The following ARHGEF39 variants were observed in gnomAD, a reference collection of about 807,000 sequenced individuals.
ARHGEF39 encodes the protein Rho guanine nucleotide exchange factor (GEF) 39.
Under a neutral mutation model 47.5 loss-of-function variants are expected in ARHGEF39, and 45 were observed. The ratio of observed to expected loss-of-function variants is 0.95; its 90% CI spans 0.75 to 1.22. ARHGEF39 has a LOEUF of 1.22. Ranked by LOEUF, ARHGEF39 falls within the 50% of genes most tolerant of loss-of-function variation. The probability of loss-of-function intolerance (pLI) is 0.00; values close to 1 mark genes in which losing one functional copy is unlikely to be tolerated. For missense variants in ARHGEF39, 411 were observed against 425.3 expected (o/e 0.97, Z 0.30); for synonymous variants, 164 against 167.8 (o/e 0.98, Z 0.17).
chr9:35,664,249 C>A, intron 3 of ARHGEF39, 123 bp from the exon 4 acceptor site: 2 of 1,517,020 alleles, frequency 1.3e-6, no homozygotes, highest in South Asian at 1.2e-5. Context: ...CGTTTCTCTA[C>A]AAGGAACTTA....
At position 35,661,042 on chromosome 9, in the gene ARHGEF39, C is replaced by G; in HGVS notation, c.*945G>C. The G allele has an allele frequency of 6.2e-7, 1 of 1,614,164 alleles. No individual in the cohort carries two copies. The highest frequency in any genetic ancestry group is 8.5e-7 in the Non-Finnish European group (1 of 1,180,038). On this transcript the variant is annotated 3_prime_UTR_variant, in exon 9 of 9. Coordinates refer to ENST00000378387, the MANE Select transcript of ARHGEF39 (RefSeq NM_032818.3). ...GAGCCCACAAACTGGAGCACAGAGA[C>G]ATGGAACCTAGCTACTTCCTGGGAG... is the stretch of plus-strand genomic sequence containing the variant.
Position 35,661,021 on chromosome 9 carries a change from C to T in ARHGEF39, c.*966G>A. The T allele has an allele frequency of 6.2e-7, 1 of 1,614,050 alleles. No homozygotes were observed. Among genetic ancestry groups the T allele is most frequent in the South Asian group, 1.1e-5 (1 of 91,062 alleles). Reference sequence around the variant, plus strand: ...GGTGACAGTCAGGCCTGGGAGGAGCCCACAAACTGGAGCACAGAGACATGG... The same window carrying T: ...GGTGACAGTCAGGCCTGGGAGGAGCTCACAAACTGGAGCACAGAGACATGG... On this transcript the variant is annotated 3_prime_UTR_variant, in exon 9 of 9. Coordinates refer to ENST00000378387, the MANE Select transcript of ARHGEF39 (RefSeq NM_032818.3).
rs1324946159 is a variant in ARHGEF39, at chr9:35,661,068, G to T, written c.*919C>A. 1.1e-5 allele frequency: 17 copies of T among 1,614,092 alleles called. No individual in the cohort carries two copies. Among genetic ancestry groups the T allele is most frequent in the Non-Finnish European group, 1.4e-5 (16 of 1,180,042 alleles). ...ATGGAACCTAGCTACTTCCTGGGAGGTGGGGCGGGGACTACGGAGAAGGTG... is the reference window on the plus strand; with the variant it reads ...ATGGAACCTAGCTACTTCCTGGGAGTTGGGGCGGGGACTACGGAGAAGGTG... On this transcript the variant is annotated 3_prime_UTR_variant, in exon 9 of 9. Coordinates refer to ENST00000378387, the MANE Select transcript of ARHGEF39 (RefSeq NM_032818.3).
chr9:35,661,162 G>C lies in ARHGEF39; in HGVS notation c.*825C>G. The C allele has an allele frequency of 6.2e-7, 1 of 1,603,980 alleles. No individual in the cohort carries two copies. Among genetic ancestry groups the C allele is most frequent in the South Asian group, 1.1e-5 (1 of 90,154 alleles). On this transcript the variant is annotated 3_prime_UTR_variant, in exon 9 of 9. Transcript: ENST00000378387. The stretch of plus-strand genomic sequence containing the variant: ...GAAGGAGGGACGACAGCTGAAGGTC[G>C]ACTAAAACAAAGTCTGTTTTCATGA...
rs902298628 is a variant in ARHGEF39 at position 35,661,739 on chromosome 9, C to A, written c.*248G>T. 17 of 476,230 alleles carry A rather than the reference C, an allele frequency of 3.6e-5. No homozygotes were observed. Among genetic ancestry groups the A allele is most frequent in the Middle Eastern group, 3.6e-4 (1 of 2,742 alleles). 29.5% of individuals were successfully genotyped at this position (476,230 alleles called of 1,614,324 possible). A position where few individuals can be genotyped will look rare whatever the true frequency, so the allele number is the denominator to read the frequency against. ...GTGTTGCCCAGGCTGGTCTTGAACTCCTGGGCTGGAATGATCCTGCCACCT... is the reference window on the plus strand; with the variant it reads ...GTGTTGCCCAGGCTGGTCTTGAACTACTGGGCTGGAATGATCCTGCCACCT... On this transcript the variant is annotated 3_prime_UTR_variant, in exon 9 of 9. Coordinates refer to ENST00000378387, the MANE Select transcript of ARHGEF39 (RefSeq NM_032818.3).
rs559728819 is a variant in ARHGEF39 at position 35,663,517 on chromosome 9, T to C, written c.474-125A>G. 8 of 786,420 alleles carry C rather than the reference T, an allele frequency of 1.0e-5. No homozygotes were observed. In the African/African-American group the frequency reaches 1.4e-4, roughly 14 times the overall value. 48.7% of individuals were successfully genotyped at this position (786,420 alleles called of 1,614,324 possible). Reference sequence around the variant, plus strand: ...CCAGGAAAGATCTGCTTCTGGCTACTGTATCCCCTTCTTTCATGTAGGACT... The same window carrying C: ...CCAGGAAAGATCTGCTTCTGGCTACCGTATCCCCTTCTTTCATGTAGGACT... On this transcript the variant is annotated intron_variant, in intron 4 of 8. Coordinates refer to ENST00000378387, the MANE Select transcript of ARHGEF39 (RefSeq NM_032818.3).
intron 3 of ARHGEF39, 24 bp downstream of exon 3, chr9:35,664,348 G>T: frequency 1.3e-6 from 2 of 1,587,506 alleles, no homozygotes; most frequent in Non-Finnish European, 1.7e-6. Flanking sequence ...TAAGGGGCAA[G>T]ATTTGAGGTC....
At chr9:35,663,209 G>A (rs771618431) in intron 5 of ARHGEF39, 113 bp downstream of exon 5, 2 of 1,552,198 alleles carry the variant, frequency 1.3e-6, no homozygotes, top group Non-Finnish European at 1.8e-6. Context: ...TAGGGACACT[G>A]TATACATGTC....
intron 2 of ARHGEF39, 31 bp downstream of exon 2, chr9:35,664,725 C>A: frequency 6.3e-7 from 1 of 1,593,414 alleles, no homozygotes. Context: ...GACTCTCCCT[C>A]CTTTCCTCTC....
chr9:35,660,445 G>A lies in ARHGEF39; in HGVS notation c.*1542C>T. 1.2e-6 allele frequency: 2 copies of A among 1,612,692 alleles called. No homozygotes were observed. Among genetic ancestry groups the A allele is most frequent in the South Asian group, 2.2e-5 (2 of 90,862 alleles). On this transcript the variant is annotated 3_prime_UTR_variant, in exon 9 of 9. Coordinates refer to ENST00000378387, the MANE Select transcript of ARHGEF39 (RefSeq NM_032818.3). Reference sequence around the variant, plus strand: ...TTCTCCACGAGGAGGCAAGCAAGCAGCAGCCACTGCAGTCAGGTGGGTTTA... The same window carrying A: ...TTCTCCACGAGGAGGCAAGCAAGCAACAGCCACTGCAGTCAGGTGGGTTTA...
In ARHGEF39 at chr9:35,660,502, G is replaced by A. The variant is rs749777866; in HGVS notation, c.*1485C>T. ...GTCTGTGCTGGGTCGGGGGAGTTTA[G>A]GGGACAGCAGAAGATACATAACCAC... On this transcript the variant is annotated 3_prime_UTR_variant, in exon 9 of 9. Coordinates refer to ENST00000378387, the MANE Select transcript of ARHGEF39 (RefSeq NM_032818.3). 1.9e-6 allele frequency: 3 copies of A among 1,613,242 alleles called. No individual in the cohort carries two copies. The highest frequency in any genetic ancestry group is 2.5e-6 in the Non-Finnish European group (3 of 1,179,414).
At chr9:35,663,263 CAGAA>C (rs1324944240) in intron 5 of ARHGEF39, 55 bp downstream of exon 5, 7 of 1,588,964 alleles carry the variant, frequency 4.4e-6, no homozygotes, top group African/African-American at 2.7e-5. Context: ...AGGTCAGAAT[CAGAA>C]AGGAATACAG....
chr9:35,661,060 C>G lies in ARHGEF39; in HGVS notation c.*927G>C, dbSNP rs10441685. 0.032 allele frequency: 51,072 copies of G among 1,614,066 alleles called. 1,606 individuals carry two copies. The highest frequency in any genetic ancestry group is 0.17 in the African/African-American group (12,424 of 74,992). On this transcript the variant is annotated 3_prime_UTR_variant, in exon 9 of 9. Transcript: ENST00000378387. The stretch of plus-strand genomic sequence containing the variant: ...ACAGAGACATGGAACCTAGCTACTT[C>G]CTGGGAGGTGGGGCGGGGACTACGG...
rs1344029021 is a variant in ARHGEF39, at chr9:35,664,105, C to G, written c.376G>C (p.Gly126Arg). ...TLQEQLKKNK[G>R]FRRFVRLQEG... Reference sequence around the variant, plus strand: ...TGAAGCCGTACAAACCTCCGGAAACCTTTATTTTTCTTTAGCTGCTCCTGG... The same window carrying G: ...TGAAGCCGTACAAACCTCCGGAAACGTTTATTTTTCTTTAGCTGCTCCTGG... The change falls in exon 4 of 9, where the codon GGT (glycine) becomes CGT (arginine). Residue 126 changes from glycine to arginine, a missense_variant. Gly to Arg is a moderately radical substitution (Grantham distance 125). Transcript: ENST00000378387. 1 of 1,613,964 alleles carries G rather than the reference C, an allele frequency of 6.2e-7. No homozygotes were observed. Among genetic ancestry groups the G allele is most frequent in the Non-Finnish European group, 8.5e-7 (1 of 1,179,962 alleles).
rs1199534720 is a variant in ARHGEF39 at position 35,661,074 on chromosome 9, C to T, written c.*913G>A. On this transcript the variant is annotated 3_prime_UTR_variant, in exon 9 of 9. Transcript: ENST00000378387. ...CCTAGCTACTTCCTGGGAGGTGGGG[C>T]GGGGACTACGGAGAAGGTGCAGCCA... 6.2e-6 allele frequency: 10 copies of T among 1,614,102 alleles called. No individual in the cohort carries two copies. Among genetic ancestry groups the T allele is most frequent in the Non-Finnish European group, 7.6e-6 (9 of 1,180,026 alleles).
chr9:35,663,462 A>G (rs1204277822), intron 4 of ARHGEF39, 70 bp from the exon 5 acceptor site: 3 of 1,317,730 alleles, frequency 2.3e-6, no homozygotes, highest in African/African-American at 1.4e-5. Context: ...TGATGTGCAG[A>G]TCACCCTCTA....
rs2131823263 is a variant in ARHGEF39, at chr9:35,662,166, A to G, written c.992+13T>C. ...TCATCACAGCACCCTTCCTGGGGGAAGACACAACTTACCTGATAGCCCAAG... is the reference window on the plus strand; with the variant it reads ...TCATCACAGCACCCTTCCTGGGGGAGGACACAACTTACCTGATAGCCCAAG... On this transcript the variant is annotated intron_variant, in intron 8 of 8. Transcript: ENST00000378387. 3 of 1,613,130 alleles carry G rather than the reference A, an allele frequency of 1.9e-6. No individual in the cohort carries two copies. Among genetic ancestry groups the G allele is most frequent in the South Asian group, 1.1e-5 (1 of 91,066 alleles).
chr9:35,662,678 C>A lies in ARHGEF39; in HGVS notation c.737G>T (p.Arg246Leu). The A allele has an allele frequency of 6.3e-7, 1 of 1,595,394 alleles. No homozygotes were observed. Among genetic ancestry groups the A allele is most frequent in the South Asian group, 1.1e-5 (1 of 89,088 alleles). Residue 246 changes from arginine to leucine, a missense_variant, in exon 7 of 9, where the codon CGC (arginine) becomes CTC (leucine). Coordinates refer to ENST00000378387, the MANE Select transcript of ARHGEF39 (RefSeq NM_032818.3). ...VVPPHGEPRP[R>L]MFFLFTDVLL... ...CACATCAGTGAAGAGGAAGAACATG[C>A]GGGGCCGAGGCTCCCCATGGGGAGG...
chr9:35,662,708 A>C lies in ARHGEF39; in HGVS notation c.707T>G (p.Val236Gly). ...CCGAGGCTCCCCATGGGGAGGCACC[A>C]CTAACAGCCAGCCCTGGCGTAGGAA... The part of the protein sequence containing the change: ...RWFLRQGWLL[V>G]VPPHGEPRPR... The change falls in exon 7 of 9, where the codon GTG (valine) becomes GGG (glycine). Residue 236 changes from valine to glycine, a missense_variant. By Grantham distance (109) the Val-to-Gly change is moderately radical. Transcript: ENST00000378387. 6.4e-7 allele frequency: 1 copy of C among 1,570,822 alleles called. No individual in the cohort carries two copies. The highest frequency in any genetic ancestry group is 1.4e-5 in the African/African-American group (1 of 73,766).
Sources: gnomAD v4.1 joint callset for allele counts on GRCh38, gnomAD v4.1.1 for gene constraint, MANE v1.5 for transcripts, NCBI Gene and HGNC (gene_info 2026-07-23, HGNC 2026-07-21) for gene names.